The following AFF1 variants were observed in gnomAD, a reference collection of about 807,000 sequenced individuals.
The protein encoded by AFF1 is AF4/FMR2 family member 1.
A neutral mutation model predicts 121.7 loss-of-function variants in AFF1; 48 were observed. The observed-to-expected ratio is 0.39, with a 90% CI of 0.31 to 0.50. AFF1 has a LOEUF of 0.50. Ranked by LOEUF, AFF1 falls within the 20% of genes least tolerant of loss-of-function variation. AFF1 has a pLI of 0.76. For synonymous variants in AFF1, 613 were observed against 563.0 expected (o/e 1.09, Z -1.26); for missense variants, 1,523 against 1,511.7 (o/e 1.01, Z -0.12).
At chr4:86,990,030 A>G (rs1240774840) in intron 2 of AFF1, among the ~76,000 whole-genome samples, 1 of 152,054 alleles carries the variant, frequency 6.6e-6, no homozygotes. Flanking sequence ...CTGTCAGGGA[A>G]TGGGAGACTA....
intron 2 of AFF1, among the ~76,000 whole-genome samples, chr4:87,027,987 A>T (rs1168787712): frequency 4.0e-5 from 6 of 151,730 alleles, no homozygotes; most frequent in Admixed American, 3.3e-4. Flanking sequence ...TTGAGTGATG[A>T]CATGACACTC....
At chr4:87,035,486 G>A (rs1451208651) in intron 2 of AFF1, among the ~76,000 whole-genome samples, 8 of 151,996 alleles carry the variant, frequency 5.3e-5, no homozygotes, top group African/African-American at 4.8e-5. Context: ...ATGTGAACCC[G>A]GGAGGCGGAG....
In AFF1 at chr4:87,047,413, T is replaced by C. The variant is rs1370541144; in HGVS notation, c.878T>C (p.Met293Thr). 6.2e-7 allele frequency: 1 copy of C among 1,614,030 alleles called. No homozygotes were observed. Among genetic ancestry groups the C allele is most frequent in the South Asian group, 1.1e-5 (1 of 91,086 alleles). Residue 293 changes from methionine (M) to threonine (T), a missense_variant, in exon 4 of 21, where the codon ATG becomes ACG. Met to Thr is a moderately conservative substitution (Grantham distance 81). Around this residue, in one of 5 missense-constraint regions of AFF1, gnomAD observed 369 missense variants for 367.2 expected, o/e 1.00. Transcript: ENST00000395146. ...TCCCTCCCCTCAAAAAGTGTTGCAA[T>C]GCAGCAGAAGCCCACGGCTTATGTC... ...PPSLPSKSVAMQQKPTAYVRP... is the reference protein window; with the variant it reads ...PPSLPSKSVATQQKPTAYVRP...
chr4:87,080,310 G>C (rs1723043251), intron 4 of AFF1, among the ~76,000 whole-genome samples: 1 of 152,190 alleles, frequency 6.6e-6, no homozygotes, highest in African/African-American at 2.4e-5. Context: ...AGATTTTCTT[G>C]ATTCATGCAA....
intron 12 of AFF1, among the ~76,000 whole-genome samples, chr4:87,122,971 T>C (rs924373417): frequency 6.6e-6 from 1 of 150,670 alleles, no homozygotes; most frequent in Non-Finnish European, 1.5e-5. Context: ...CTCAGCTCAC[T>C]GCACCCTCCA....
intron 12 of AFF1, among the ~76,000 whole-genome samples, chr4:87,119,445 C>G (rs1262085022): frequency 6.6e-6 from 1 of 151,950 alleles, no homozygotes; most frequent in Non-Finnish European, 1.5e-5. Flanking sequence ...GTAGCGCATG[C>G]CTGAGGTCCC....
At chr4:86,944,141 A>T (rs1013671766) in intron 1 of AFF1, among the ~76,000 whole-genome samples, 9 of 36,706 alleles carry the variant, frequency 2.5e-4, no homozygotes, top group African/African-American at 1.1e-3. Context: ...AAGACCCTGT[A>T]AAAAAAAAAA....
intron 2 of AFF1, among the ~76,000 whole-genome samples, chr4:87,009,421 T>C (rs942138747): frequency 6.6e-6 from 1 of 152,206 alleles, no homozygotes; most frequent in South Asian, 2.1e-4. Context: ...AATTGGTTGT[T>C]TGTAATATGT....
chr4:87,090,620 T>G (rs1724202997), intron 6 of AFF1, among the ~76,000 whole-genome samples: 1 of 152,182 alleles, frequency 6.6e-6, no homozygotes. Flanking sequence ...CCTTCAGATC[T>G]GTGTTTTGTT....
At chr4:87,028,304 CG>C (rs561977498) in intron 2 of AFF1, among the ~76,000 whole-genome samples, 3 of 151,220 alleles carry the variant, frequency 2.0e-5, no homozygotes, top group South Asian at 2.1e-4. Flanking sequence ...TTTTTTTTTA[CG>C]TTTTTTTTTC....
At chr4:87,104,954 A>G (rs1725766345) in intron 8 of AFF1, among the ~76,000 whole-genome samples, 1 of 152,156 alleles carries the variant, frequency 6.6e-6, no homozygotes, top group Admixed American at 6.5e-5. Flanking sequence ...CCCATTGATC[A>G]GTGTTCACAT....
chr4:86,973,443 T>A (rs1255457517), intron 2 of AFF1, among the ~76,000 whole-genome samples: 1 of 152,222 alleles, frequency 6.6e-6, no homozygotes, highest in Non-Finnish European at 1.5e-5. Flanking sequence ...TCTGCCTCAG[T>A]TGGTCTCTTA....
intron 8 of AFF1, among the ~76,000 whole-genome samples, chr4:87,097,331 G>A (rs1032385761): frequency 1.3e-5 from 2 of 152,110 alleles, no homozygotes; most frequent in African/African-American, 4.8e-5. Context: ...TCTGATCTAC[G>A]CCTGACAGGT....
rs189182735 is a variant in AFF1 at position 86,997,295 on chromosome 4, T to C, written c.38+48724T>C. On this transcript the variant is annotated intron_variant, in intron 2 of 20. Coordinates refer to ENST00000395146, the MANE Select transcript of AFF1 (RefSeq NM_001166693.3). Reference sequence around the variant, plus strand: ...CCCTCACCATGTCACTTTGGGACTCTAGAGTCCCCACCAGCAAGAAGGCTT... The same window carrying C: ...CCCTCACCATGTCACTTTGGGACTCCAGAGTCCCCACCAGCAAGAAGGCTT... Among the ~76,000 whole-genome samples, 10 of 152,194 alleles carry C rather than the reference T, an allele frequency of 6.6e-5. 1 individual carries two copies. The highest frequency in any genetic ancestry group is 1.4e-4 in the African/African-American group (6 of 41,454).
intron 4 of AFF1, among the ~76,000 whole-genome samples, chr4:87,068,726 G>C (rs2149671440): frequency 6.6e-6 from 1 of 152,338 alleles, no homozygotes; most frequent in African/African-American, 2.4e-5. Context: ...GCAGAGCCAG[G>C]GGAGTTATGC....
At chr4:87,051,461 T>C (rs1731250200) in intron 4 of AFF1, among the ~76,000 whole-genome samples, 1 of 151,752 alleles carries the variant, frequency 6.6e-6, no homozygotes, top group South Asian at 2.1e-4. Flanking sequence ...GGTATTTTGT[T>C]TGTTTTGTTT....
chr4:87,072,190 C>T lies in AFF1; in HGVS notation c.1060-11930C>T, dbSNP rs542898825. 1.4e-4 allele frequency among the ~76,000 whole-genome samples: 22 copies of T among 152,056 alleles called. No homozygotes were observed. The South Asian group carries it at 3.1e-3, about 22-fold the overall frequency. On this transcript the variant is annotated intron_variant, in intron 4 of 20. Transcript: ENST00000395146. ...CATCCTGGCTAACACGGTGAAGACCCGTCTCTACTAAAAATACAAAAAATT... is the reference window on the plus strand; with the variant it reads ...CATCCTGGCTAACACGGTGAAGACCTGTCTCTACTAAAAATACAAAAAATT...
In AFF1 at chr4:87,122,569, T is replaced by G. The variant is rs149745786; in HGVS notation, c.2467-2468T>G. 6.7e-3 allele frequency among the ~76,000 whole-genome samples: 1,025 copies of G among 152,212 alleles called. 13 individuals are homozygous for G. The highest frequency in any genetic ancestry group is 0.023 in the African/African-American group (972 of 41,508). On this transcript the variant is annotated intron_variant, in intron 12 of 20. Coordinates refer to ENST00000395146, the MANE Select transcript of AFF1 (RefSeq NM_001166693.3). ...TTCCTATTGCATTTCATTTGTGGGT[T>G]TAGAACTCGGTTGCTTATTTCATAT... is the stretch of plus-strand genomic sequence containing the variant.
At chr4:87,125,298 T>C (rs1461989642) in intron 13 of AFF1, 155 bp downstream of exon 13, 1 of 469,280 alleles carries the variant, frequency 2.1e-6, no homozygotes, top group East Asian at 3.3e-5. Flanking sequence ...CTTTCTTGCA[T>C]CCATGAGGAC....
Sources: gnomAD v4.1 joint callset for allele counts (sites outside exome capture counted in the v4.1 genomes callset) on GRCh38, gnomAD v4.1.1 for gene constraint, gnomAD v4.1.1 regional missense constraint, MANE v1.5 for transcripts, NCBI Gene and HGNC (gene_info 2026-07-23, HGNC 2026-07-21) for gene names.